Variants in NR1D2 observed in about 807,000 individuals in gnomAD.
NR1D2 encodes nuclear receptor subfamily 1 group D member 2, also known as V-erbA-related protein 1-related.
In NR1D2, 25 loss-of-function variants were observed where a neutral mutation model predicts 52.2. That is an observed-to-expected ratio of 0.48 (90% CI 0.35 to 0.67). The LOEUF is 0.67. NR1D2 is among the 30% of genes least tolerant of loss of function. The pLI, the probability that NR1D2 is intolerant of heterozygous loss-of-function variation, is 0.01. For synonymous variants in NR1D2, 259 were observed against 230.1 expected (o/e 1.13, Z -1.14); for missense variants, 681 against 707.2 (o/e 0.96, Z 0.42).
chr3:23,950,999 G>A (rs990378185), intron 1 of NR1D2, among the ~76,000 whole-genome samples: 11 of 148,398 alleles, frequency 7.4e-5, no homozygotes, highest in Non-Finnish European at 1.5e-4. Context: ...TCCGCCTCCC[G>A]GGTTCAAGTG....
intron 7 of NR1D2, among the ~76,000 whole-genome samples, chr3:23,974,088 CTTTTTTTT>C (rs60587118): frequency 6.9e-4 from 55 of 79,504 alleles, no homozygotes; most frequent in Admixed American, 2.4e-3. Context: ...TTACAGTTAC[CTTTTTTTT>C]TTTTTTTTTT....
chr3:23,968,097 G>A, intron 7 of NR1D2, 74 bp downstream of exon 7: 1 of 1,194,540 alleles, frequency 8.4e-7, no homozygotes, highest in Non-Finnish European at 1.2e-6. Flanking sequence ...GCAGTTAACA[G>A]GGTTCCAGAA....
intron 3 of NR1D2, among the ~76,000 whole-genome samples, chr3:23,957,382 CTATA>C (rs1369476761): frequency 7.7e-6 from 1 of 129,144 alleles, no homozygotes; most frequent in Non-Finnish European, 1.6e-5. Context: ...TTCTCCTTCT[CTATA>C]TATCTTTTTT....
At chr3:23,966,882 T>G (rs1242624486) in intron 6 of NR1D2, among the ~76,000 whole-genome samples, 3 of 151,332 alleles carry the variant, frequency 2.0e-5, no homozygotes, top group African/African-American at 4.9e-5. Flanking sequence ...ATACAAAAAT[T>G]AGCTGGGTGT....
intron 7 of NR1D2, 36 bp downstream of exon 7, chr3:23,968,059 C>T: frequency 6.5e-7 from 1 of 1,528,200 alleles, no homozygotes; most frequent in Non-Finnish European, 9.1e-7. Context: ...CCACACCTAG[C>T]ATATAGTGAC....
chr3:23,959,277 A>G (rs1349270519), intron 3 of NR1D2, among the ~76,000 whole-genome samples: 7 of 152,062 alleles, frequency 4.6e-5, no homozygotes, highest in Non-Finnish European at 1.0e-4. Context: ...AAAAAAAAAA[A>G]AAAAGAATCA....
intron 5 of NR1D2, 35 bp from the exon 6 acceptor site, chr3:23,964,942 A>C: frequency 7.2e-7 from 1 of 1,386,142 alleles, no homozygotes; most frequent in East Asian, 2.3e-5. Context: ...ACCACCTCTT[A>C]GTATTTAAGA....
intron 4 of NR1D2, 95 bp from the exon 5 acceptor site, chr3:23,961,882 T>C: frequency 8.7e-7 from 1 of 1,146,204 alleles, no homozygotes. Flanking sequence ...TATGTATGAC[T>C]AGAGGCCATA....
Position 23,945,563 on chromosome 3 carries a change from C to T in NR1D2, c.-16C>T, listed in dbSNP as rs1016486424. On this transcript the variant is annotated 5_prime_UTR_variant, in exon 1 of 8. Transcript: ENST00000312521. ...TGCGGGAAGCGGGCGGCCCCGGCCG[C>T]CTCCGCGAGGGCACCATGGAGGTGA... The T allele has an allele frequency of 1.5e-5, 17 of 1,164,904 alleles. No individual in the cohort carries two copies. The highest frequency in any genetic ancestry group is 6.8e-4 in the Middle Eastern group (2 of 2,952). 72.2% of individuals were successfully genotyped at this position (1,164,904 alleles called of 1,614,324 possible).
At chr3:23,959,597 G>T (rs553024644) in intron 3 of NR1D2, 74 bp from the exon 4 acceptor site, 2 of 1,412,594 alleles carry the variant, frequency 1.4e-6, no homozygotes, top group Non-Finnish European at 2.0e-6. Flanking sequence ...CACTAGATAG[G>T]TATGGGAGCA....
chr3:23,945,566 C>G lies in NR1D2; in HGVS notation c.-13C>G. ...GGGAAGCGGGCGGCCCCGGCCGCCT[C>G]CGCGAGGGCACCATGGAGGTGAATG... On this transcript the variant is annotated 5_prime_UTR_variant, in exon 1 of 8. Coordinates refer to ENST00000312521, the MANE Select transcript of NR1D2 (RefSeq NM_005126.5). 1 of 1,167,612 alleles carries G rather than the reference C, an allele frequency of 8.6e-7. No individual in the cohort carries two copies. The highest frequency in any genetic ancestry group is 1.1e-6 in the Non-Finnish European group (1 of 939,604). The allele number at this position is 1,167,612 out of a possible 1,614,324, so 72.3% of individuals were successfully genotyped here. A position where few individuals can be genotyped will look rare whatever the true frequency, so the allele number is the denominator to read the frequency against.
chr3:23,962,534 C>G lies in NR1D2; in HGVS notation c.1075C>G (p.Pro359Ala). 1.2e-6 allele frequency: 2 copies of G among 1,613,688 alleles called. No homozygotes were observed. The highest frequency in any genetic ancestry group is 1.7e-5 in the Admixed American group (1 of 60,002). The change falls in exon 5 of 8, where the codon CCG becomes GCG. Residue 359 changes from proline (P) to alanine (A), a missense_variant. By Grantham distance (27) the Pro-to-Ala change is conservative. Coordinates refer to ENST00000312521, the MANE Select transcript of NR1D2 (RefSeq NM_005126.5). Reference protein sequence around the residue: ...AYTQRVCDRVPIDGFSQNENK... With the variant: ...AYTQRVCDRVAIDGFSQNENK... Reference sequence around the variant, plus strand: ...TACTCAAAGAGTATGTGATAGAGTTCCGATAGATGGATTTTCTCAGAATGA... The same window carrying G: ...TACTCAAAGAGTATGTGATAGAGTTGCGATAGATGGATTTTCTCAGAATGA...
intron 6 of NR1D2, among the ~76,000 whole-genome samples, chr3:23,965,817 A>C (rs1379855199): frequency 6.6e-6 from 1 of 152,226 alleles, no homozygotes; most frequent in Non-Finnish European, 1.5e-5. Context: ...CTGAAAGCCT[A>C]GCCTAGCATT....
chr3:23,949,144 T>C (rs1705857893), intron 1 of NR1D2, among the ~76,000 whole-genome samples: 1 of 152,174 alleles, frequency 6.6e-6, no homozygotes, highest in Admixed American at 6.5e-5. Context: ...GATGGGCAGA[T>C]CACCTGAGGT....
At position 23,962,159 on chromosome 3, in the gene NR1D2, G is replaced by A. The variant is rs747530425; in HGVS notation, c.700G>A (p.Glu234Lys). 3.1e-6 allele frequency: 5 copies of A among 1,614,116 alleles called. No homozygotes were observed. The South Asian group carries it at 5.5e-5, about 18-fold the overall frequency. ...QEQLRPKPQL[E>K]QENIKSSSPP... ...ACAGCTGCGACCCAAGCCCCAACTG[G>A]AGCAAGAAAACATCAAAAGCTCTTC... Residue 234 changes from glutamate to lysine, a missense_variant, in exon 5 of 8, where the codon GAG (glutamate) becomes AAG (lysine). This residue lies in a region of NR1D2 where 475 missense variants were observed against 454.5 expected (regional missense o/e 1.05). Transcript: ENST00000312521.
intron 7 of NR1D2, among the ~76,000 whole-genome samples, chr3:23,971,837 A>G (rs995776071): frequency 6.6e-6 from 1 of 152,142 alleles, no homozygotes; most frequent in Non-Finnish European, 1.5e-5. Context: ...ATCTTGTTCT[A>G]TCACTGTTTG....
At chr3:23,954,330 G>C (rs1232557952) in intron 1 of NR1D2, among the ~76,000 whole-genome samples, 1 of 152,184 alleles carries the variant, frequency 6.6e-6, no homozygotes, top group African/African-American at 2.4e-5. Flanking sequence ...TTTTAAATCA[G>C]TGGGAGTTAC....
rs767011386 is a variant in NR1D2, at chr3:23,954,696, A to G, written c.176A>G (p.Asp59Gly). The change falls in exon 2 of 8, where the codon GAT (aspartate) becomes GGT (glycine). Residue 59 changes from aspartate (D) to glycine (G), a missense_variant. Asp to Gly is a moderately conservative substitution (Grantham distance 94). Coordinates refer to ENST00000312521, the MANE Select transcript of NR1D2 (RefSeq NM_005126.5). ...ACCAATGGTAATCCCAAGAATGGTG[A>G]TCTCGCCAATATTGAAGGCATCTTG... ...SDTNGNPKNG[D>G]LANIEGILKN... The G allele has an allele frequency of 6.2e-7, 1 of 1,614,134 alleles. No homozygotes were observed. Among genetic ancestry groups the G allele is most frequent in the Non-Finnish European group, 8.5e-7 (1 of 1,179,980 alleles).
At chr3:23,955,127 G>A (rs996345408) in intron 2 of NR1D2, among the ~76,000 whole-genome samples, 1 of 152,196 alleles carries the variant, frequency 6.6e-6, no homozygotes, top group Non-Finnish European at 1.5e-5. Flanking sequence ...CTAGAACAGA[G>A]TACTTGCTCA....
Sources: gnomAD v4.1 joint callset for allele counts (sites outside exome capture counted in the v4.1 genomes callset) on GRCh38, gnomAD v4.1.1 for gene constraint, gnomAD v4.1.1 regional missense constraint, MANE v1.5 for transcripts, NCBI Gene and HGNC (gene_info 2026-07-23, HGNC 2026-07-21) for gene names.